The following CCDC42 variants were observed in gnomAD, a reference collection of about 807,000 sequenced individuals.
The protein encoded by CCDC42 is coiled-coil domain-containing protein 42.
A neutral mutation model predicts 40.8 loss-of-function variants in CCDC42; 38 were observed. The observed-to-expected ratio is 0.93, with a 90% confidence interval of 0.72 to 1.22. The LOEUF (loss-of-function observed/expected upper bound fraction) is 1.22. Among genes scored for constraint, CCDC42 ranks in the 50% most tolerant of loss-of-function variants. CCDC42 has a pLI of 0.00. For missense variants in CCDC42, 379 were observed against 416.5 expected, an observed-to-expected ratio of 0.91 and a Z score of 0.78; for synonymous variants, 135 against 157.5, an observed-to-expected ratio of 0.86 and a Z score of 1.07.
intron 6 of CCDC42, 37 bp from the exon 7 acceptor site, chr17:8,730,244 C>T (rs530273452): frequency 2.3e-5 from 34 of 1,506,674 alleles, no homozygotes; most frequent in East Asian, 1.8e-4. Context: ...ACTCCGCCCC[C>T]CAGAGGCCTC....
At chr17:8,734,046 G>T (rs1265291769) in intron 6 of CCDC42, among the ~76,000 whole-genome samples, 1 of 152,122 alleles carries the variant, frequency 6.6e-6, no homozygotes, top group African/African-American at 2.4e-5. Flanking sequence ...CAGAATGAAC[G>T]CAGGAGTGGA....
At chr17:8,743,752 G>A (rs2086659809) in intron 2 of CCDC42, 22 bp from the exon 3 acceptor site, 2 of 1,406,584 alleles carry the variant, frequency 1.4e-6, no homozygotes, top group African/African-American at 2.8e-5. Context: ...GGGTGGGAGA[G>A]CAGAGAGGTC....
chr17:8,735,703 C>A lies in CCDC42; in HGVS notation c.493-92G>T, dbSNP rs1035844091. On this transcript the variant is annotated intron_variant, in intron 4 of 6. Coordinates refer to ENST00000293845, the MANE Select transcript of CCDC42 (RefSeq NM_144681.3). The surrounding 1 kb of genome is among the most constrained non-coding windows in gnomAD (Gnocchi z 4.7). The stretch of plus-strand genomic sequence containing the variant: ...CCAACCTCCAGCCTGGATGCCTGGA[C>A]ACCTGGACACCTGGGCAGGCAGGCC... 4 of 1,028,752 alleles carry A rather than the reference C, an allele frequency of 3.9e-6. No individual in the cohort carries two copies. The highest frequency in any genetic ancestry group is 5.6e-6 in the Non-Finnish European group (4 of 710,252). 63.7% of individuals were successfully genotyped at this position (1,028,752 alleles called of 1,614,324 possible).
intron 6 of CCDC42, among the ~76,000 whole-genome samples, chr17:8,730,526 G>T (rs1017661015): frequency 6.6e-6 from 1 of 152,068 alleles, no homozygotes; most frequent in African/African-American, 2.4e-5. Flanking sequence ...TTTTAGTAGA[G>T]ATGGGGTTTC....
At chr17:8,731,546 T>C (rs888645730) in intron 6 of CCDC42, among the ~76,000 whole-genome samples, 2 of 152,200 alleles carry the variant, frequency 1.3e-5, no homozygotes, top group Non-Finnish European at 2.9e-5. Flanking sequence ...GTGGTACTTA[T>C]ACACCACGGA....
intron 6 of CCDC42, 144 bp from the exon 7 acceptor site, chr17:8,730,351 T>C (rs768869490): frequency 9.3e-5 from 55 of 588,820 alleles, no homozygotes; most frequent in Non-Finnish European, 1.5e-4. Flanking sequence ...ATTTATTTAT[T>C]TTTTTGATAC....
intron 6 of CCDC42, among the ~76,000 whole-genome samples, chr17:8,731,283 G>A (rs961779708): frequency 1.3e-5 from 2 of 152,178 alleles, no homozygotes; most frequent in Non-Finnish European, 1.5e-5. Flanking sequence ...GTGGAGAAAA[G>A]GGAACGTTCA....
intron 4 of CCDC42, among the ~76,000 whole-genome samples, chr17:8,739,545 GGTTT>G (rs2086629485): frequency 6.6e-6 from 1 of 151,378 alleles, no homozygotes; most frequent in Admixed American, 6.6e-5. Flanking sequence ...ATTTTTTTTT[GGTTT>G]GTTTGTTTTT....
At position 8,741,536 on chromosome 17, in the gene CCDC42, C is replaced by A. The variant is rs2288156; in HGVS notation, c.430G>T (p.Ala144Ser). 6.2e-7 allele frequency: 1 copy of A among 1,614,142 alleles called. No individual in the cohort carries two copies. Among genetic ancestry groups the A allele is most frequent in the South Asian group, 1.1e-5 (1 of 91,090 alleles). Residue 144 changes from alanine to serine, a missense_variant, in exon 4 of 7, where the codon GCC (alanine) becomes TCC (serine). Transcript: ENST00000293845. ...AAGATGTAGTAGTCCTTCAGCTTGG[C>A]GCTCAGCCGCTGGTGCTCCAGCCGC... Reference protein sequence around the residue: ...ALRLEHQRLSAKLKDYYIFNK... With the variant: ...ALRLEHQRLSSKLKDYYIFNK...
At chr17:8,741,891 G>T (rs1015536809) in intron 3 of CCDC42, among the ~76,000 whole-genome samples, 1 of 152,210 alleles carries the variant, frequency 6.6e-6, no homozygotes, top group Non-Finnish European at 1.5e-5. Flanking sequence ...GTGGACTGAG[G>T]TGGGGGCTCA....
chr17:8,732,514 G>A (rs1387228765), intron 6 of CCDC42, among the ~76,000 whole-genome samples: 1 of 152,120 alleles, frequency 6.6e-6, no homozygotes, highest in Non-Finnish European at 1.5e-5. Context: ...AGAAAACAGA[G>A]AGTCAATGAA....
chr17:8,739,214 G>C (rs958064649), intron 4 of CCDC42, among the ~76,000 whole-genome samples: 1 of 152,182 alleles, frequency 6.6e-6, no homozygotes, highest in South Asian at 2.1e-4. Flanking sequence ...GATGAGGAAG[G>C]GGCAGGGGCT....
chr17:8,744,265 T>C, intron 1 of CCDC42, 81 bp from the exon 2 acceptor site: 1 of 1,069,556 alleles, frequency 9.3e-7, no homozygotes, highest in Admixed American at 2.1e-5. Context: ...TGGAGACAGA[T>C]ACCCATGGGG....
At chr17:8,740,483 C>T (rs1462700884) in intron 4 of CCDC42, among the ~76,000 whole-genome samples, 1 of 141,138 alleles carries the variant, frequency 7.1e-6, no homozygotes, top group African/African-American at 2.7e-5. Context: ...AAGTGAAACT[C>T]CGTCTCAAAA....
In CCDC42 at chr17:8,744,804, G is replaced by C; in HGVS notation, c.-195C>G. The stretch of plus-strand genomic sequence containing the variant: ...TTGGGCGGCTCAGGACGATGTGCTG[G>C]GGCAGTTATGGGAGATGTGGTTACC... On this transcript the variant is annotated 5_prime_UTR_variant, in exon 1 of 7. Coordinates refer to ENST00000293845, the MANE Select transcript of CCDC42 (RefSeq NM_144681.3). 1 of 598,316 alleles carries C rather than the reference G, an allele frequency of 1.7e-6. No individual in the cohort carries two copies. The highest frequency in any genetic ancestry group is 3.0e-6 in the Non-Finnish European group (1 of 334,358). The allele number at this position is 598,316 out of a possible 1,614,324, so 37.1% of individuals were successfully genotyped here. A position where few individuals can be genotyped will look rare whatever the true frequency, so the allele number is the denominator to read the frequency against.
intron 6 of CCDC42, among the ~76,000 whole-genome samples, chr17:8,734,698 C>T (rs1282093387): frequency 6.6e-6 from 1 of 152,096 alleles, no homozygotes; most frequent in Non-Finnish European, 1.5e-5. Flanking sequence ...CAAGCTCAAG[C>T]CTTCAGCAAG....
At chr17:8,738,559 G>A (rs1287683656) in intron 4 of CCDC42, among the ~76,000 whole-genome samples, 8 of 150,190 alleles carry the variant, frequency 5.3e-5, no homozygotes, top group African/African-American at 1.2e-4. Context: ...TCTGCCTCCC[G>A]GGTTCAAGCA....
intron 4 of CCDC42, among the ~76,000 whole-genome samples, chr17:8,740,701 G>A (rs1048499008): frequency 3.3e-5 from 5 of 152,190 alleles, no homozygotes; most frequent in African/African-American, 7.2e-5. Context: ...CAAGAGGCGC[G>A]GTGGAACCAA....
Position 8,730,162 on chromosome 17 carries a change from T to C in CCDC42, c.919A>G (p.Lys307Glu). The C allele has an allele frequency of 1.2e-6, 2 of 1,613,982 alleles. No homozygotes were observed. Among genetic ancestry groups the C allele is most frequent in the East Asian group, 2.2e-5 (1 of 44,876 alleles). The change falls in exon 7 of 7, where the codon AAA (lysine) becomes GAA (glutamate). Residue 307 changes from lysine (K) to glutamate (E), a missense_variant. Lys to Glu is a moderately conservative substitution (Grantham distance 56). Transcript: ENST00000293845. ...QDRSDIWAEVKKKEQQRVRI is the reference protein window; with the variant it reads ...QDRSDIWAEVEKKEQQRVRI Reference sequence around the variant, plus strand: ...CGGACTCGCTGTTGTTCCTTCTTTTTCACCTCTGCCCAGATGTCCGACCGG... The same window carrying C: ...CGGACTCGCTGTTGTTCCTTCTTTTCCACCTCTGCCCAGATGTCCGACCGG...
Sources: gnomAD v4.1 joint callset for allele counts (sites outside exome capture counted in the v4.1 genomes callset) on GRCh38, gnomAD v4.1.1 for gene constraint, Gnocchi (gnomAD v3.1) non-coding constraint, MANE v1.5 for transcripts, NCBI Gene and HGNC (gene_info 2026-07-23, HGNC 2026-07-21) for gene names.